DYM: variants seen among roughly 807,000 people sequenced by gnomAD.
The protein encoded by DYM is dymeclin, also known as dyggve-Melchior-Clausen syndrome protein.
DYM carries 78 observed loss-of-function variants against 93.1 expected under a neutral mutation model. The ratio of observed to expected loss-of-function variants is 0.84; its 90% confidence interval spans 0.70 to 1.01. DYM has a LOEUF of 1.01. Among genes scored for constraint, DYM ranks in the 50% least tolerant of loss-of-function variants. DYM has a pLI of 0.00. For synonymous variants in DYM, 321 were observed against 319.7 expected (o/e 1.00, Z -0.04); for missense variants, 789 against 845.0 (o/e 0.93, Z 0.82).
intron 15 of DYM, among the ~76,000 whole-genome samples, chr18:49,149,480 T>C (rs2085560805): frequency 6.6e-6 from 1 of 152,188 alleles, no homozygotes; most frequent in Admixed American, 6.5e-5. Flanking sequence ...CCTGCTTTAT[T>C]TTCCCATGGA....
chr18:49,454,666 G>A (rs950708344), intron 1 of DYM, among the ~76,000 whole-genome samples: 3 of 151,910 alleles, frequency 2.0e-5, no homozygotes, highest in East Asian at 1.9e-4. Context: ...TTGGGAGGCC[G>A]AGGCCGGTGG....
intron 8 of DYM, among the ~76,000 whole-genome samples, chr18:49,318,381 A>C (rs2062174292): frequency 6.6e-6 from 1 of 152,218 alleles, no homozygotes. Flanking sequence ...GCACTTTGGG[A>C]GGCCAAGGCA....
At chr18:49,155,432 T>C (rs904117348) in intron 15 of DYM, among the ~76,000 whole-genome samples, 101 of 152,328 alleles carry the variant, frequency 6.6e-4, no homozygotes, top group African/African-American at 2.3e-3. Context: ...AAAGTATGAT[T>C]GAATGGTTTT....
intron 2 of DYM, among the ~76,000 whole-genome samples, chr18:49,421,271 T>C (rs941335559): frequency 6.6e-6 from 1 of 152,102 alleles, no homozygotes; most frequent in Non-Finnish European, 1.5e-5. Context: ...TGACACCTCA[T>C]ACGGCCAGGT....
At chr18:49,364,317 C>T (rs558600829) in intron 5 of DYM, among the ~76,000 whole-genome samples, 8 of 152,158 alleles carry the variant, frequency 5.3e-5, no homozygotes, top group South Asian at 2.1e-4. Context: ...TGGTGGCGCA[C>T]GCCTGTGGTC....
At chr18:49,308,977 A>G (rs1228831405) in intron 8 of DYM, among the ~76,000 whole-genome samples, 2 of 152,220 alleles carry the variant, frequency 1.3e-5, no homozygotes, top group African/African-American at 4.8e-5. Context: ...TTAAAATTAC[A>G]TTCATGAAGA....
Position 49,345,601 on chromosome 18 carries a change from A to G in DYM, c.495-11748T>C, listed in dbSNP as rs374396009. Among the ~76,000 whole-genome samples the G allele has an allele frequency of 2.0e-4, 30 of 152,276 alleles. 1 individual carries two copies. The East Asian group carries it at 2.7e-3, about 14-fold the overall frequency. ...ACACCTAGTACCTTTAAGGAACAAC[A>G]AAGAGGCCAGTAGGGCTAGAATAGA... is the stretch of plus-strand genomic sequence containing the variant. On this transcript the variant is annotated intron_variant, in intron 6 of 17. Coordinates refer to ENST00000675505, the MANE Select transcript of DYM (RefSeq NM_001353214.3).
At chr18:49,358,867 G>A (rs1289455959) in intron 6 of DYM, among the ~76,000 whole-genome samples, 1 of 151,646 alleles carries the variant, frequency 6.6e-6, no homozygotes, top group Admixed American at 6.6e-5. Flanking sequence ...ACAAAGACAA[G>A]GGAAAAAAAT....
rs114106060 is a variant in DYM, at chr18:49,237,022, T to A, written c.1460+19988A>T. On this transcript the variant is annotated intron_variant, in intron 13 of 17. Transcript: ENST00000675505. ...AAGAGAGAAACTCTCCTGCAGTTGC[T>A]TATCCAGGTATCTTCATGCTCAATT... Among the ~76,000 whole-genome samples, 875 of 152,290 alleles carry A rather than the reference T, an allele frequency of 5.7e-3. 6 individuals are homozygous for A. Among genetic ancestry groups the A allele is most frequent in the African/African-American group, 0.02 (847 of 41,562 alleles).
chr18:49,413,685 G>A (rs1039307970), intron 2 of DYM, among the ~76,000 whole-genome samples: 1 of 152,136 alleles, frequency 6.6e-6, no homozygotes, highest in Non-Finnish European at 1.5e-5. Flanking sequence ...ACTTAAGGAA[G>A]GAAATTACAT....
intron 15 of DYM, among the ~76,000 whole-genome samples, chr18:49,155,438 GT>G (rs1444017750): frequency 6.6e-6 from 1 of 152,004 alleles, no homozygotes; most frequent in Non-Finnish European, 1.5e-5. Context: ...TGATTGAATG[GT>G]TTTTGGTATA....
intron 13 of DYM, among the ~76,000 whole-genome samples, chr18:49,245,617 C>A (rs2094147045): frequency 6.6e-6 from 1 of 152,218 alleles, no homozygotes; most frequent in South Asian, 2.1e-4. Context: ...CTCTCGAACC[C>A]TATTTCCTGT....
intron 15 of DYM, among the ~76,000 whole-genome samples, chr18:49,163,305 G>A (rs1340108451): frequency 1.3e-5 from 2 of 152,094 alleles, no homozygotes; most frequent in Non-Finnish European, 2.9e-5. Flanking sequence ...TGAGAAGAGA[G>A]GGGTAATGCT....
intron 13 of DYM, among the ~76,000 whole-genome samples, chr18:49,215,781 C>A (rs543143453): frequency 6.6e-6 from 1 of 152,176 alleles, no homozygotes; most frequent in Non-Finnish European, 1.5e-5. Flanking sequence ...CCAAGATGGC[C>A]GAATAGGAAC....
intron 6 of DYM, among the ~76,000 whole-genome samples, chr18:49,336,541 A>G (rs565656851): frequency 2.6e-5 from 4 of 152,350 alleles, no homozygotes; most frequent in Non-Finnish European, 5.9e-5. Flanking sequence ...ATTTCCCCAA[A>G]TTCCTAAACA....
At chr18:49,163,925 AC>A (rs1412601417) in intron 14 of DYM, 138 bp from the exon 15 acceptor site, 10 of 646,474 alleles carry the variant, frequency 1.5e-5, no homozygotes, top group African/African-American at 1.1e-4. Flanking sequence ...GCCTGTGTTA[AC>A]AGCAAGATTA....
chr18:49,096,124 A>G (rs73441507), intron 17 of DYM, among the ~76,000 whole-genome samples: 16,082 of 152,214 alleles, frequency 0.11, 1,112 homozygotes, highest in East Asian at 0.26. Context: ...TGAATTCTCT[A>G]TATTTAAAAA....
At chr18:49,183,583 T>C (rs1210587739) in intron 14 of DYM, among the ~76,000 whole-genome samples, 1 of 152,148 alleles carries the variant, frequency 6.6e-6, no homozygotes, top group African/African-American at 2.4e-5. Flanking sequence ...ATTATATACA[T>C]TTTATTTCAC....
At chr18:49,339,184 A>G (rs78742021) in intron 6 of DYM, among the ~76,000 whole-genome samples, 14,769 of 152,248 alleles carry the variant, frequency 0.097, 913 homozygotes, top group East Asian at 0.31. Context: ...TGGGAATACT[A>G]ACCAGCATAG....
Sources: allele counts gnomAD v4.1 joint callset (sites outside exome capture counted in the v4.1 genomes callset), GRCh38; gene constraint gnomAD v4.1.1; transcripts MANE v1.5; gene names NCBI Gene and HGNC (gene_info 2026-07-23, HGNC 2026-07-21).